RPRD1A: variants seen among roughly 807,000 people sequenced by gnomAD.
RPRD1A encodes regulation of nuclear pre-mRNA domain containing 1A, also known as regulation of nuclear pre-mRNA domain-containing protein 1A.
A neutral mutation model predicts 37.8 loss-of-function variants in RPRD1A; 9 were observed. The ratio of observed to expected loss-of-function variants is 0.24; its 90% CI spans 0.14 to 0.42. The LOEUF is 0.42. Ranked by LOEUF, RPRD1A falls within the 10% of genes least tolerant of loss-of-function variation. The pLI, the probability that RPRD1A is intolerant of heterozygous loss-of-function variation, is 1.00. For synonymous variants in RPRD1A, 138 were observed against 139.7 expected, an observed-to-expected ratio of 0.99 and a Z score of 0.08; for missense variants, 255 against 371.0, an observed-to-expected ratio of 0.69 and a Z score of 2.57.
At chr18:36,050,243 T>C (rs944922569) in intron 1 of RPRD1A, among the ~76,000 whole-genome samples, 2 of 151,470 alleles carry the variant, frequency 1.3e-5, no homozygotes, top group Non-Finnish European at 2.9e-5. Context: ...TTATACATAT[T>C]TATAAAAAAA....
At chr18:36,037,901 T>C (rs1009025179) in intron 1 of RPRD1A, among the ~76,000 whole-genome samples, 10 of 152,092 alleles carry the variant, frequency 6.6e-5, no homozygotes, top group Non-Finnish European at 1.3e-4. Context: ...AAAGAGATGA[T>C]TTAGGGTATC....
intron 6 of RPRD1A, among the ~76,000 whole-genome samples, chr18:35,996,197 G>A (rs181883828): frequency 6.6e-6 from 1 of 152,244 alleles, no homozygotes; most frequent in Non-Finnish European, 1.5e-5. Context: ...TGGATGTGAA[G>A]TGTATGAGAA....
At chr18:36,040,481 T>G (rs1385785547) in intron 1 of RPRD1A, among the ~76,000 whole-genome samples, 1 of 152,198 alleles carries the variant, frequency 6.6e-6, no homozygotes, top group Non-Finnish European at 1.5e-5. Flanking sequence ...AAGGGAAGAC[T>G]TAAACTAAAC....
chr18:36,058,227 G>A (rs1913928437), intron 1 of RPRD1A, among the ~76,000 whole-genome samples: 2 of 152,004 alleles, frequency 1.3e-5, no homozygotes, highest in Admixed American at 1.3e-4. Flanking sequence ...ATTTTTAGTA[G>A]AGACAGGGTT....
In RPRD1A at chr18:36,033,299, C is replaced by CCAAAAAAAAAA. The variant is rs1348356259; in HGVS notation, c.281+408_281+409insTTTTTTTTTTG. 6.1e-4 allele frequency among the ~76,000 whole-genome samples: 46 copies of CCAAAAAAAAAA among 75,926 alleles called. 2 individuals carry two copies. The highest frequency in any genetic ancestry group is 2.6e-3 in the African/African-American group (45 of 17,186). 49.8% of individuals were successfully genotyped at this position (75,926 alleles called of 152,430 possible). On this transcript the variant is annotated intron_variant, in intron 2 of 6. Coordinates refer to ENST00000399022, the MANE Select transcript of RPRD1A (RefSeq NM_018170.5). Reference sequence around the variant, plus strand: ...CCTGGGTGAGAGTGAGACTCTGTCTCAAAAAAAAAAAAAAAAAAAAAAAAA... The same window carrying CCAAAAAAAAAA: ...CCTGGGTGAGAGTGAGACTCTGTCTCCAAAAAAAAAAAAAAAAAAAAAAAAAAAAAAAAAAA...
At chr18:35,996,802 C>T (rs573305934) in intron 6 of RPRD1A, among the ~76,000 whole-genome samples, 2 of 151,700 alleles carry the variant, frequency 1.3e-5, no homozygotes, top group South Asian at 2.1e-4. Flanking sequence ...TAAGGTGAAA[C>T]TTTTTGTCTC....
chr18:36,025,081 G>A (rs1911268037), intron 6 of RPRD1A: 1 of 152,232 alleles, frequency 6.6e-6, no homozygotes, highest in African/African-American at 2.4e-5. Flanking sequence ...AGCAGAAAAA[G>A]TTGGAAAAAA....
intron 6 of RPRD1A, among the ~76,000 whole-genome samples, chr18:36,005,239 T>C (rs1909674083): frequency 6.6e-6 from 1 of 152,024 alleles, no homozygotes; most frequent in African/African-American, 2.4e-5. Context: ...AGGTGGAGCT[T>C]GCAGTGAGCT....
chr18:36,047,458 A>G (rs1568144897), intron 1 of RPRD1A, among the ~76,000 whole-genome samples: 4 of 152,126 alleles, frequency 2.6e-5, no homozygotes, highest in Admixed American at 1.3e-4. Flanking sequence ...AGCAAGTAAA[A>G]GGAATGAAAT....
At chr18:36,060,248 G>A (rs923946013) in intron 1 of RPRD1A, among the ~76,000 whole-genome samples, 6 of 152,056 alleles carry the variant, frequency 3.9e-5, no homozygotes, top group African/African-American at 9.6e-5. Flanking sequence ...TGACTAACAC[G>A]GTAAAACCCC....
intron 1 of RPRD1A, among the ~76,000 whole-genome samples, chr18:36,042,876 T>C (rs1336074885): frequency 3.3e-5 from 5 of 152,184 alleles, no homozygotes; most frequent in African/African-American, 9.7e-5. Context: ...GAAAAACGAC[T>C]TGGCAATATC....
At chr18:36,058,987 A>G (rs1341046229) in intron 1 of RPRD1A, among the ~76,000 whole-genome samples, 1 of 152,198 alleles carries the variant, frequency 6.6e-6, no homozygotes, top group Non-Finnish European at 1.5e-5. Context: ...GGTATTTTTT[A>G]GCAAATATAA....
At chr18:36,019,252 A>C (rs754471054) in intron 6 of RPRD1A, among the ~76,000 whole-genome samples, 1 of 151,748 alleles carries the variant, frequency 6.6e-6, no homozygotes, top group Non-Finnish European at 1.5e-5. Context: ...GGACTACAGG[A>C]GCCCACCACC....
chr18:36,038,903 G>A (rs1457148844), intron 1 of RPRD1A, among the ~76,000 whole-genome samples: 2 of 152,156 alleles, frequency 1.3e-5, no homozygotes, highest in Non-Finnish European at 2.9e-5. Context: ...TCTGGAACAG[G>A]AGCATTTACC....
chr18:36,029,001 G>A (rs1911574770), intron 4 of RPRD1A, among the ~76,000 whole-genome samples: 1 of 152,156 alleles, frequency 6.6e-6, no homozygotes, highest in Non-Finnish European at 1.5e-5. Flanking sequence ...AGAATCATGA[G>A]GCTCTTAGCC....
chr18:36,007,331 G>A (rs1909805401), intron 6 of RPRD1A, among the ~76,000 whole-genome samples: 1 of 152,174 alleles, frequency 6.6e-6, no homozygotes, highest in African/African-American at 2.4e-5. Context: ...AACGGGGTCT[G>A]TAATGTGGAT....
At chr18:36,062,711 T>A (rs1280435394) in intron 1 of RPRD1A, among the ~76,000 whole-genome samples, 2 of 152,162 alleles carry the variant, frequency 1.3e-5, no homozygotes, top group East Asian at 3.9e-4. Flanking sequence ...TACTATATAA[T>A]TCTATTCATA....
chr18:36,024,435 C>T (rs1467188534), intron 6 of RPRD1A, among the ~76,000 whole-genome samples: 8 of 151,506 alleles, frequency 5.3e-5, no homozygotes, highest in Admixed American at 4.6e-4. Context: ...AGATTACAGG[C>T]GTGAACCACC....
chr18:36,062,337 A>C (rs927544007), intron 1 of RPRD1A, among the ~76,000 whole-genome samples: 12 of 150,390 alleles, frequency 8.0e-5, no homozygotes, highest in South Asian at 4.2e-4. Context: ...AAAAAAAAAA[A>C]AAAAAAAAAA....
Sources: allele counts gnomAD v4.1 joint callset (sites outside exome capture counted in the v4.1 genomes callset), GRCh38; gene constraint gnomAD v4.1.1; transcripts MANE v1.5; gene names NCBI Gene and HGNC (gene_info 2026-07-23, HGNC 2026-07-21).